The following PSD3 variants were observed in gnomAD, a reference collection of about 807,000 sequenced individuals.
The protein encoded by PSD3 is pleckstrin and Sec7 domain containing 3.
In PSD3, 49 loss-of-function variants were observed where a neutral mutation model predicts 105.5. The observed-to-expected ratio is 0.46, with a 90% CI of 0.37 to 0.59. The LOEUF is 0.59. Ranked by LOEUF, PSD3 falls within the 20% of genes least tolerant of loss-of-function variation. The probability of loss-of-function intolerance (pLI) is 0.00; values close to 1 mark genes in which losing one functional copy is unlikely to be tolerated. For synonymous variants in PSD3, 557 were observed against 457.8 expected, an observed-to-expected ratio of 1.22 and a Z score of -2.77; for missense variants, 1,561 against 1,263.8, an observed-to-expected ratio of 1.24 and a Z score of -3.57.
intron 1 of PSD3, among the ~76,000 whole-genome samples, chr8:19,059,484 A>G (rs1225897732): frequency 6.6e-6 from 1 of 152,240 alleles, no homozygotes; most frequent in Non-Finnish European, 1.5e-5. Context: ...ACAAGAAACT[A>G]GCCCCAGCAA....
At chr8:19,055,134 T>TC (rs1440256461) in intron 1 of PSD3, among the ~76,000 whole-genome samples, 2 of 152,240 alleles carry the variant, frequency 1.3e-5, no homozygotes, top group Non-Finnish European at 2.9e-5. Context: ...GTTGCATTAA[T>TC]CCACTGAGAG....
At chr8:19,060,854 G>T (rs993225988) in intron 1 of PSD3, among the ~76,000 whole-genome samples, 2 of 152,228 alleles carry the variant, frequency 1.3e-5, no homozygotes, top group Admixed American at 1.3e-4. Context: ...AAGGGCACGA[G>T]CTTTAAAACT....
At position 18,868,050 on chromosome 8, in the gene PSD3, G is replaced by C. The variant is rs1348824758; in HGVS notation, c.1258C>G (p.His420Asp). 1 of 1,606,586 alleles carries C rather than the reference G, an allele frequency of 6.2e-7. No individual in the cohort carries two copies. Among genetic ancestry groups the C allele is most frequent in the African/African-American group, 1.3e-5 (1 of 74,696 alleles). The change falls in exon 4 of 16, where the codon CAC (histidine) becomes GAC (aspartate). Residue 420 changes from histidine to aspartate, a missense_variant. Physicochemically the swap from His to Asp is moderately conservative, Grantham distance 81. Transcript: ENST00000327040. Reference sequence around the variant, plus strand: ...ATGTCTTCATCTTCCCCCTTAACGTGCTCCTCTTGTTCGCTGATCCTGGAA... The same window carrying C: ...ATGTCTTCATCTTCCCCCTTAACGTCCTCCTCTTGTTCGCTGATCCTGGAA... ...DRERISEQEEHVKGEDEDILG... is the reference protein window; with the variant it reads ...DRERISEQEEDVKGEDEDILG...
intron 9 of PSD3, among the ~76,000 whole-genome samples, chr8:18,741,381 A>G (rs1804562462): frequency 6.6e-6 from 1 of 152,220 alleles, no homozygotes; most frequent in African/African-American, 2.4e-5. Context: ...ATGTGACTCC[A>G]AGAGTCCATT....
intron 4 of PSD3, among the ~76,000 whole-genome samples, chr8:18,807,826 C>T (rs1246276770): frequency 6.6e-6 from 1 of 152,142 alleles, no homozygotes; most frequent in East Asian, 1.9e-4. Context: ...CATTACATGG[C>T]TGGGTGTGGT....
chr8:18,763,570 C>A (rs955730977), intron 9 of PSD3, among the ~76,000 whole-genome samples: 1 of 150,426 alleles, frequency 6.6e-6, no homozygotes, highest in Non-Finnish European at 1.5e-5. Context: ...AAAAAAGACA[C>A]CAAAAGAAAA....
intron 4 of PSD3, among the ~76,000 whole-genome samples, chr8:18,847,940 G>A (rs558173652): frequency 6.6e-6 from 1 of 152,288 alleles, no homozygotes; most frequent in South Asian, 2.1e-4. Flanking sequence ...CATGAGCCTG[G>A]TTAAATATTC....
At chr8:18,540,051 A>C (rs1262314119) in intron 15 of PSD3, among the ~76,000 whole-genome samples, 1 of 152,086 alleles carries the variant, frequency 6.6e-6, no homozygotes, top group East Asian at 1.9e-4. Context: ...CATGAGAGGA[A>C]TTATGGTTTA....
intron 1 of PSD3, among the ~76,000 whole-genome samples, chr8:19,044,645 G>A (rs772424562): frequency 6.6e-6 from 1 of 152,130 alleles, no homozygotes; most frequent in Admixed American, 6.5e-5. Context: ...CCAGGTAATT[G>A]TTTCTAGGAG....
At chr8:18,575,324 G>T in intron 12 of PSD3, 39 bp from the exon 13 acceptor site, 1 of 1,496,610 alleles carries the variant, frequency 6.7e-7, no homozygotes, top group East Asian at 2.4e-5. Context: ...CAAAAATCAC[G>T]ATCAGATTTC....
intron 15 of PSD3, among the ~76,000 whole-genome samples, chr8:18,549,171 TTC>T (rs1393532550): frequency 8.6e-6 from 1 of 115,752 alleles, no homozygotes; most frequent in Non-Finnish European, 1.7e-5. Flanking sequence ...ATTCTGTCTA[TTC>T]TCAGTTTTTT....
Position 18,918,592 on chromosome 8 carries a change from G to A in PSD3, c.130+17442C>T, listed in dbSNP as rs543806082. Among the ~76,000 whole-genome samples the A allele has an allele frequency of 4.6e-4, 70 of 152,314 alleles. 1 individual carries two copies. The highest frequency in any genetic ancestry group is 4.9e-4 in the Non-Finnish European group (33 of 68,034). ...TACTGAAGGAAGTTTTTAGCATCTG[G>A]TACTTGACATACTAATAAACAAAAA... On this transcript the variant is annotated intron_variant, in intron 2 of 15. Coordinates refer to ENST00000327040, the MANE Select transcript of PSD3 (RefSeq NM_015310.4).
chr8:18,975,312 A>AAG (rs1563479088), intron 1 of PSD3, among the ~76,000 whole-genome samples: 1 of 39,718 alleles, frequency 2.5e-5, no homozygotes, highest in Non-Finnish European at 8.4e-5. Context: ...ACATTTTCTG[A>AAG]AATTTTTTTT....
chr8:18,797,377 C>A (rs529468503), intron 8 of PSD3, among the ~76,000 whole-genome samples: 1 of 152,238 alleles, frequency 6.6e-6, no homozygotes, highest in South Asian at 2.1e-4. Flanking sequence ...ATTGGCCTAA[C>A]TCAAGGTAAT....
At chr8:19,067,295 A>T (rs1396185289) in intron 1 of PSD3, among the ~76,000 whole-genome samples, 2 of 152,180 alleles carry the variant, frequency 1.3e-5, no homozygotes, top group Non-Finnish European at 2.9e-5. Context: ...GTATGTTCAT[A>T]TCTATCATTC....
chr8:18,912,882 G>C (rs1261006328), intron 2 of PSD3, among the ~76,000 whole-genome samples: 1 of 152,008 alleles, frequency 6.6e-6, no homozygotes, highest in East Asian at 1.9e-4. Flanking sequence ...TTTAGCTTGA[G>C]AGAAACAGTT....
intron 9 of PSD3, among the ~76,000 whole-genome samples, chr8:18,698,058 G>A (rs953536952): frequency 5.3e-5 from 8 of 152,094 alleles, no homozygotes; most frequent in Non-Finnish European, 1.0e-4. Flanking sequence ...TTAAGGAGAA[G>A]AGATTACCCT....
chr8:19,051,403 A>G (rs1427912118), intron 1 of PSD3, among the ~76,000 whole-genome samples: 1 of 152,096 alleles, frequency 6.6e-6, no homozygotes, highest in African/African-American at 2.4e-5. Context: ...TGTTATCAAA[A>G]CTTGTCATCT....
intron 9 of PSD3, among the ~76,000 whole-genome samples, chr8:18,753,138 C>G (rs1417235957): frequency 6.6e-6 from 1 of 151,966 alleles, no homozygotes; most frequent in Non-Finnish European, 1.5e-5. Flanking sequence ...AGGTGGATCA[C>G]GAGGTCAGGA....
Sources: allele counts gnomAD v4.1 joint callset (sites outside exome capture counted in the v4.1 genomes callset), GRCh38; gene constraint gnomAD v4.1.1; transcripts MANE v1.5; gene names NCBI Gene and HGNC (gene_info 2026-07-23, HGNC 2026-07-21).